RNF217: variants seen among roughly 807,000 people sequenced by gnomAD.
The protein encoded by RNF217 is ring finger protein 217, also known as E3 ubiquitin-protein ligase RNF217.
Under a neutral mutation model 57.8 loss-of-function variants are expected in RNF217, and 31 were observed. The observed-to-expected ratio is 0.54, with a 90% CI of 0.40 to 0.72. RNF217 has a LOEUF of 0.72. Among genes scored for constraint, RNF217 ranks in the 30% least tolerant of loss-of-function variants. The pLI is 0.00. For synonymous variants in RNF217, 313 were observed against 294.0 expected (o/e 1.06, Z -0.66); for missense variants, 696 against 708.3 (o/e 0.98, Z 0.20).
At chr6:125,018,910 A>G (rs1351084599) in intron 1 of RNF217, among the ~76,000 whole-genome samples, 1 of 152,098 alleles carries the variant, frequency 6.6e-6, no homozygotes, top group Non-Finnish European at 1.5e-5. Context: ...AAAGGGTGGT[A>G]AGTCTCCCCG....
rs1788831800 is a variant in RNF217, at chr6:125,088,264, T to A, written c.*5327T>A. ...AGAACAAAATCAGAGTTCCAAAATT[T>A]GGGGAGTATTTTAAGATTGTGAAAT... On this transcript the variant is annotated 3_prime_UTR_variant, in exon 6 of 6. Coordinates refer to ENST00000521654, the MANE Select transcript of RNF217 (RefSeq NM_001286398.3). 1 of 152,120 alleles carries A rather than the reference T, an allele frequency of 6.6e-6. No homozygotes were observed. The highest frequency in any genetic ancestry group is 1.5e-5 in the Non-Finnish European group (1 of 68,024). 9.4% of individuals were successfully genotyped at this position (152,120 alleles called of 1,614,324 possible). A position where few individuals can be genotyped will look rare whatever the true frequency, so the allele number is the denominator to read the frequency against.
chr6:125,076,564 A>G, intron 3 of RNF217, 93 bp from the exon 4 acceptor site: 1 of 755,392 alleles, frequency 1.3e-6, no homozygotes, highest in South Asian at 1.6e-5. Context: ...TATTTTGGTG[A>G]AACTGGTAAG....
chr6:125,033,088 C>T (rs573235035), intron 1 of RNF217, among the ~76,000 whole-genome samples: 3 of 151,662 alleles, frequency 2.0e-5, no homozygotes, highest in South Asian at 4.2e-4. Flanking sequence ...CATAAAGTCT[C>T]GACTATTTTT....
chr6:124,962,620 G>A lies in RNF217; in HGVS notation c.76G>A (p.Gly26Ser). Reference sequence around the variant, plus strand: ...GCAGACCCTGGCCAGTGGCACTGCGGGCCACCCTGAGCCCCCGAGGCCTCA... The same window carrying A: ...GCAGACCCTGGCCAGTGGCACTGCGAGCCACCCTGAGCCCCCGAGGCCTCA... Reference protein sequence around the residue: ...ESQTLASGTAGHPEPPRPQGD... With the variant: ...ESQTLASGTASHPEPPRPQGD... Residue 26 changes from glycine to serine, a missense_variant, in exon 1 of 6, where the codon GGC becomes AGC. This residue lies in a region of RNF217 where 465 missense variants were observed against 386.8 expected (regional missense o/e 1.20). Coordinates refer to ENST00000521654, the MANE Select transcript of RNF217 (RefSeq NM_001286398.3). The surrounding 1 kb of genome is among the most constrained non-coding windows in gnomAD (Gnocchi z 4.6). 2 of 1,317,762 alleles carry A rather than the reference G, an allele frequency of 1.5e-6. No homozygotes were observed. The highest frequency in any genetic ancestry group is 1.9e-6 in the Non-Finnish European group (2 of 1,043,132). 81.6% of individuals were successfully genotyped at this position (1,317,762 alleles called of 1,614,324 possible).
At chr6:124,982,967 T>A (rs1409589056) in intron 1 of RNF217, among the ~76,000 whole-genome samples, 1 of 152,180 alleles carries the variant, frequency 6.6e-6, no homozygotes, top group African/African-American at 2.4e-5. Context: ...TGCTGCTGGT[T>A]CATGAAAGGG....
chr6:125,004,402 T>G (rs1785094007), intron 1 of RNF217, among the ~76,000 whole-genome samples: 1 of 152,190 alleles, frequency 6.6e-6, no homozygotes, highest in African/African-American at 2.4e-5. Flanking sequence ...CTAGCCAAGA[T>G]AGTTTTCCTG....
intron 1 of RNF217, among the ~76,000 whole-genome samples, chr6:124,989,006 C>A (rs1380087201): frequency 2.0e-5 from 3 of 148,600 alleles, no homozygotes; most frequent in Admixed American, 6.8e-5. Context: ...TGCTAATAGT[C>A]TTAAACCAGT....
intron 1 of RNF217, among the ~76,000 whole-genome samples, chr6:125,013,593 A>C (rs910155757): frequency 1.3e-5 from 2 of 151,884 alleles, no homozygotes; most frequent in Non-Finnish European, 2.9e-5. Flanking sequence ...GTTTTCTTTT[A>C]GTAAAGACTT....
chr6:124,986,629 A>G (rs1048140978), intron 1 of RNF217, among the ~76,000 whole-genome samples: 2 of 152,216 alleles, frequency 1.3e-5, no homozygotes, highest in African/African-American at 4.8e-5. Context: ...AAAGAATTTT[A>G]TAAGGTTATC....
At chr6:125,048,254 G>A (rs757562848) in intron 2 of RNF217, 3 of 1,348,984 alleles carry the variant, frequency 2.2e-6, no homozygotes, top group Non-Finnish European at 2.0e-6. Context: ...TCTTTGTGAT[G>A]AACAGGTGAA....
chr6:124,999,914 T>C (rs1784910109), intron 1 of RNF217, among the ~76,000 whole-genome samples: 1 of 152,220 alleles, frequency 6.6e-6, no homozygotes, highest in Non-Finnish European at 1.5e-5. Context: ...ATACCACCAA[T>C]AGCTTATTTA....
chr6:125,073,170 T>C (rs1216676674), intron 3 of RNF217, among the ~76,000 whole-genome samples: 1 of 152,200 alleles, frequency 6.6e-6, no homozygotes, highest in Non-Finnish European at 1.5e-5. Context: ...GGCAGTTGTC[T>C]TCAAATATGT....
chr6:125,079,350 TAAG>T (rs939271766), intron 4 of RNF217, among the ~76,000 whole-genome samples: 2 of 152,044 alleles, frequency 1.3e-5, no homozygotes, highest in African/African-American at 4.8e-5. Context: ...GTATAATTTT[TAAG>T]AATAGGTCTT....
rs1783383687 is a variant in RNF217, at chr6:124,963,337, G to T, written c.793G>T (p.Val265Leu). 1 of 1,534,572 alleles carries T rather than the reference G, an allele frequency of 6.5e-7. No individual in the cohort carries two copies. The highest frequency in any genetic ancestry group is 8.7e-7 in the Non-Finnish European group (1 of 1,146,086). The change falls in exon 1 of 6, where the codon GTG (valine) becomes TTG (leucine). Residue 265 changes from valine (V) to leucine (L), a missense_variant. Coordinates refer to ENST00000521654, the MANE Select transcript of RNF217 (RefSeq NM_001286398.3). ...GCCCCTCATGGTGCTGATGTGCCGG[G>T]TGTGCCTGGAAGACAAGCCCATCAA... Reference protein sequence around the residue: ...YVPLMVLMCRVCLEDKPIKPL... With the variant: ...YVPLMVLMCRLCLEDKPIKPL...
chr6:125,038,268 T>G (rs368740734), intron 1 of RNF217, among the ~76,000 whole-genome samples: 5 of 152,180 alleles, frequency 3.3e-5, no homozygotes, highest in African/African-American at 1.2e-4. Context: ...AAAATATCTT[T>G]AAGTACATTA....
intron 1 of RNF217, among the ~76,000 whole-genome samples, chr6:124,996,018 T>C (rs1417245933): frequency 1.3e-5 from 2 of 152,176 alleles, no homozygotes; most frequent in Non-Finnish European, 2.9e-5. Flanking sequence ...TATAGGAATT[T>C]TTCCAGATTT....
rs564786928 is a variant in RNF217 at position 125,044,538 on chromosome 6, G to A, written c.883-673G>A. Among the ~76,000 whole-genome samples the A allele has an allele frequency of 2.4e-3, 357 of 151,888 alleles. 1 individual carries two copies. The highest frequency in any genetic ancestry group is 4.5e-3 in the Non-Finnish European group (307 of 67,990). On this transcript the variant is annotated intron_variant, in intron 1 of 5. Transcript: ENST00000521654. ...GTAGTCCTTTGAATACATTAATTTT[G>A]TAAATTACCGCAGTAGCAGCCAGAT...
intron 1 of RNF217, among the ~76,000 whole-genome samples, chr6:124,998,476 A>AT (rs1209083478): frequency 6.6e-6 from 1 of 152,110 alleles, no homozygotes; most frequent in Non-Finnish European, 1.5e-5. Context: ...TTCTATATAC[A>AT]TTTTTTTAAT....
At position 125,027,648 on chromosome 6, in the gene RNF217, C is replaced by G. The variant is rs556785587; in HGVS notation, c.883-17563C>G. 3.3e-5 allele frequency among the ~76,000 whole-genome samples: 5 copies of G among 152,168 alleles called. No individual in the cohort carries two copies. In the East Asian group the frequency reaches 9.7e-4, roughly 29 times the overall value. On this transcript the variant is annotated intron_variant, in intron 1 of 5. Transcript: ENST00000521654. ...AGAGATCTCTTCAATATACTGACTT[C>G]CTCTCTTTTGGGTATATACCCAGCA...
Sources: gnomAD v4.1 joint callset for allele counts (sites outside exome capture counted in the v4.1 genomes callset) on GRCh38, gnomAD v4.1.1 for gene constraint, gnomAD v4.1.1 regional missense constraint, Gnocchi (gnomAD v3.1) non-coding constraint, MANE v1.5 for transcripts, NCBI Gene and HGNC (gene_info 2026-07-23, HGNC 2026-07-21) for gene names.